The following SLIT2 variants were observed in gnomAD, a reference collection of about 807,000 sequenced individuals.
SLIT2 encodes the protein slit homolog 2 protein.
SLIT2 carries 41 observed loss-of-function variants against 185.7 expected under a neutral mutation model. That is an observed-to-expected ratio of 0.22 (90% CI 0.17 to 0.29). The LOEUF (loss-of-function observed/expected upper bound fraction) is 0.29. SLIT2 is among the 10% of genes least tolerant of loss of function. The pLI is 1.00. For missense variants in SLIT2, 1,571 were observed against 1,909.0 expected (o/e 0.82, Z 3.30); for synonymous variants, 693 against 680.2 (o/e 1.02, Z -0.29).
intron 18 of SLIT2, among the ~76,000 whole-genome samples, chr4:20,538,009 G>C (rs1327795990): frequency 6.6e-6 from 1 of 152,090 alleles, no homozygotes; most frequent in African/African-American, 2.4e-5. Context: ...GCCCAGGCTG[G>C]AGTGCTGTGA....
Position 20,453,245 on chromosome 4 carries a change from A to C in SLIT2, c.396-14507A>C, listed in dbSNP as rs551975564. On this transcript the variant is annotated intron_variant, in intron 4 of 36. Transcript: ENST00000504154. ...ATTTTCTGAATTTAAGATGTATCTTAAAATAGCTTAATGCTTACTGGGATT... is the reference window on the plus strand; with the variant it reads ...ATTTTCTGAATTTAAGATGTATCTTCAAATAGCTTAATGCTTACTGGGATT... 3.3e-5 allele frequency among the ~76,000 whole-genome samples: 5 copies of C among 152,330 alleles called. No individual in the cohort carries two copies. The East Asian group carries it at 7.7e-4, about 24-fold the overall frequency.
intron 10 of SLIT2, 59 bp downstream of exon 10, chr4:20,510,625 C>A (rs1008090982): frequency 2.7e-5 from 29 of 1,081,514 alleles, no homozygotes; most frequent in Non-Finnish European, 3.6e-5. Flanking sequence ...GTCATGAGAC[C>A]ATGCAAAGAA....
rs1239661339 is a variant in SLIT2, at chr4:20,254,008, C to G, written c.179+14C>G. ...CACCGAGAGACTGTGAGTATGCGCT[C>G]TTCGTCTTCCCCTCTCCCCATCCGG... On this transcript the variant is annotated intron_variant, in intron 1 of 36. Coordinates refer to ENST00000504154, the MANE Select transcript of SLIT2 (RefSeq NM_004787.4). The surrounding 1 kb of genome is among the most constrained non-coding windows in gnomAD (Gnocchi z 5.1). 3 of 1,596,524 alleles carry G rather than the reference C, an allele frequency of 1.9e-6. No individual in the cohort carries two copies. Among genetic ancestry groups the G allele is most frequent in the Non-Finnish European group, 2.6e-6 (3 of 1,175,546 alleles).
chr4:20,318,186 C>G (rs1001723888), intron 4 of SLIT2, among the ~76,000 whole-genome samples: 1 of 152,136 alleles, frequency 6.6e-6, no homozygotes, highest in Admixed American at 6.5e-5. Flanking sequence ...ATTGTTGATC[C>G]CCTCAGTAGA....
intron 4 of SLIT2, among the ~76,000 whole-genome samples, chr4:20,357,058 T>G (rs945627233): frequency 2.0e-5 from 3 of 152,220 alleles, no homozygotes; most frequent in African/African-American, 7.2e-5. Context: ...GATTTAAAAT[T>G]TTGTTAAACC....
chr4:20,309,110 T>C (rs1377977823), intron 4 of SLIT2, among the ~76,000 whole-genome samples: 1 of 152,158 alleles, frequency 6.6e-6, no homozygotes, highest in African/African-American at 2.4e-5. Context: ...CCTTGGGTTT[T>C]AGATATGGTC....
chr4:20,390,283 AT>A (rs914358755), intron 4 of SLIT2, among the ~76,000 whole-genome samples: 7 of 152,114 alleles, frequency 4.6e-5, no homozygotes, highest in Admixed American at 2.0e-4. Context: ...TACAAAAAAA[AT>A]TGCCGTGCAT....
intron 4 of SLIT2, among the ~76,000 whole-genome samples, chr4:20,413,366 G>C (rs1333194950): frequency 1.3e-5 from 2 of 151,948 alleles, no homozygotes; most frequent in African/African-American, 4.8e-5. Context: ...TTTAAATTGA[G>C]ACTTGTTCCG....
chr4:20,274,757 A>G (rs1403632154), intron 4 of SLIT2, among the ~76,000 whole-genome samples: 1 of 143,892 alleles, frequency 6.9e-6, no homozygotes, highest in Non-Finnish European at 1.5e-5. Flanking sequence ...TTTTTTTTTC[A>G]CTCAGCTGTA....
At chr4:20,570,186 G>T (rs1240371577) in intron 29 of SLIT2, among the ~76,000 whole-genome samples, 1 of 151,924 alleles carries the variant, frequency 6.6e-6, no homozygotes, top group African/African-American at 2.4e-5. Flanking sequence ...GTCATGTAAA[G>T]CAGTAATAGC....
At chr4:20,541,871 T>G (rs947383606) in intron 20 of SLIT2, among the ~76,000 whole-genome samples, 1 of 152,242 alleles carries the variant, frequency 6.6e-6, no homozygotes, top group African/African-American at 2.4e-5. Context: ...GTCTTACTTA[T>G]ATAGCTTCAT....
At position 20,555,874 on chromosome 4, in the gene SLIT2, C is replaced by A. The variant is rs144739904; in HGVS notation, c.2725+1906C>A. 8.7e-3 allele frequency among the ~76,000 whole-genome samples: 1,321 copies of A among 151,834 alleles called. 28 individuals carry two copies. The highest frequency in any genetic ancestry group is 0.03 in the African/African-American group (1,233 of 41,342). On this transcript the variant is annotated intron_variant, in intron 26 of 36. Coordinates refer to ENST00000504154, the MANE Select transcript of SLIT2 (RefSeq NM_004787.4). ...TTGTTTTTTTCTTAAACTGTATTTT[C>A]TCCTTGAATTCCTATTTTCAATACC... is the stretch of plus-strand genomic sequence containing the variant.
chr4:20,564,020 CA>C (rs1724895825), intron 26 of SLIT2, among the ~76,000 whole-genome samples: 2 of 151,914 alleles, frequency 1.3e-5, no homozygotes, highest in Admixed American at 1.3e-4. Context: ...TAGGACTGAT[CA>C]AGTGTGGAAA....
chr4:20,481,702 ATTACT>A (rs1716718869), intron 6 of SLIT2, among the ~76,000 whole-genome samples: 1 of 152,072 alleles, frequency 6.6e-6, no homozygotes. Context: ...AAAGGAATTC[ATTACT>A]TTATAAATCT....
intron 4 of SLIT2, among the ~76,000 whole-genome samples, chr4:20,349,555 C>G (rs4351015): frequency 0.21 from 32,402 of 152,094 alleles, 3,874 homozygotes; most frequent in Non-Finnish European, 0.28. Context: ...CCTGAAACTG[C>G]AAAGTACTTG....
At chr4:20,535,718 T>C (rs950761357) in intron 18 of SLIT2, among the ~76,000 whole-genome samples, 2 of 152,174 alleles carry the variant, frequency 1.3e-5, no homozygotes, top group Non-Finnish European at 2.9e-5. Flanking sequence ...TTTCTTCAAA[T>C]GAGTTTTCTT....
intron 14 of SLIT2, 125 bp downstream of exon 14, chr4:20,524,302 A>G (rs2148849889): frequency 1.2e-6 from 1 of 812,696 alleles, no homozygotes; most frequent in Non-Finnish European, 1.9e-6. Context: ...TCTTCTGCCC[A>G]TGAATAATAA....
chr4:20,544,660 T>C (rs909515489), intron 21 of SLIT2, among the ~76,000 whole-genome samples: 2 of 152,120 alleles, frequency 1.3e-5, no homozygotes, highest in Non-Finnish European at 2.9e-5. Flanking sequence ...ATTTCATATG[T>C]GTATTACATT....
At chr4:20,554,827 G>A (rs896368374) in intron 26 of SLIT2, among the ~76,000 whole-genome samples, 21 of 151,956 alleles carry the variant, frequency 1.4e-4, no homozygotes, top group South Asian at 4.2e-4. Context: ...GCAGTGGCAC[G>A]ATCTCAGCTC....
Sources: allele counts gnomAD v4.1 joint callset (sites outside exome capture counted in the v4.1 genomes callset), GRCh38; gene constraint gnomAD v4.1.1; non-coding constraint Gnocchi (gnomAD v3.1); transcripts MANE v1.5; gene names NCBI Gene and HGNC (gene_info 2026-07-23, HGNC 2026-07-21).